Variants in PPP1R14D observed in about 807,000 individuals in gnomAD.
The protein encoded by PPP1R14D is protein phosphatase 1 regulatory subunit 14D.
In PPP1R14D, 14 loss-of-function variants were observed where a neutral mutation model predicts 17.1. The observed-to-expected ratio is 0.82, with a 90% CI of 0.54 to 1.28. The LOEUF (loss-of-function observed/expected upper bound fraction) is 1.28. Ranked by LOEUF, PPP1R14D falls within the 50% of genes most tolerant of loss-of-function variation. The pLI, the probability that PPP1R14D is intolerant of heterozygous loss-of-function variation, is 0.00. For synonymous variants in PPP1R14D, 67 were observed against 66.1 expected (o/e 1.01, Z -0.06); for missense variants, 173 against 179.2 (o/e 0.97, Z 0.20).
chr15:40,827,344 A>G (rs191621940), intron 1 of PPP1R14D, among the ~76,000 whole-genome samples: 1 of 152,282 alleles, frequency 6.6e-6, no homozygotes, highest in Non-Finnish European at 1.5e-5. Flanking sequence ...CCCCGTCTCT[A>G]CTAAAAATAC....
In PPP1R14D at chr15:40,816,643, C is replaced by G. The variant is rs564286672; in HGVS notation, c.256-390G>C. Among the ~76,000 whole-genome samples, 32 of 151,612 alleles carry G rather than the reference C, an allele frequency of 2.1e-4. No individual in the cohort carries two copies. The East Asian group carries it at 6.3e-3, about 30-fold the overall frequency. On this transcript the variant is annotated intron_variant, in intron 1 of 3. Transcript: ENST00000299174. ...CAGGAGAATCACTTGAACCCAGAAC[C>G]TGGGAGGCAGAGGTTGCAGTGAGCC...
At chr15:40,820,499 A>T (rs1460746639) in intron 1 of PPP1R14D, among the ~76,000 whole-genome samples, 2 of 152,084 alleles carry the variant, frequency 1.3e-5, no homozygotes. Context: ...AAAAGACATA[A>T]ATGATAGAAT....
chr15:40,821,978 T>TA (rs912204134), intron 1 of PPP1R14D, among the ~76,000 whole-genome samples: 2 of 151,918 alleles, frequency 1.3e-5, no homozygotes, highest in Admixed American at 6.6e-5. Flanking sequence ...ACTTTGCCTT[T>TA]AAAAAAGTAT....
Sources: gnomAD v4.1 joint callset for allele counts (sites outside exome capture counted in the v4.1 genomes callset) on GRCh38, gnomAD v4.1.1 for gene constraint, MANE v1.5 for transcripts, NCBI Gene and HGNC (gene_info 2026-07-23, HGNC 2026-07-21) for gene names.